PKIB: variants seen among roughly 807,000 people sequenced by gnomAD.
PKIB encodes the protein cAMP-dependent protein kinase inhibitor beta, also known as PKI-beta.
A neutral mutation model predicts 4.5 loss-of-function variants in PKIB; 2 were observed. The ratio of observed to expected loss-of-function variants is 0.44; its 90% CI spans 0.18 to 1.39. The LOEUF is 1.39. PKIB is among the 40% of genes most tolerant of loss of function. PKIB has a pLI of 0.27. For missense variants in PKIB, 94 were observed against 92.6 expected, an observed-to-expected ratio of 1.02 and a Z score of -0.06; for synonymous variants, 38 against 36.0, an observed-to-expected ratio of 1.06 and a Z score of -0.20.
At chr6:122,702,713 G>A (rs993087886) in intron 3 of PKIB, among the ~76,000 whole-genome samples, 1 of 151,920 alleles carries the variant, frequency 6.6e-6, no homozygotes, top group Non-Finnish European at 1.5e-5. Context: ...CGACAAAAAC[G>A]GTAAACAATG....
intron 2 of PKIB, among the ~76,000 whole-genome samples, chr6:122,647,507 C>T (rs1024320210): frequency 6.6e-6 from 1 of 152,160 alleles, no homozygotes; most frequent in African/African-American, 2.4e-5. Flanking sequence ...AGTCATTCTT[C>T]CACCTAATGC....
At chr6:122,616,757 G>A (rs1775009227) in intron 1 of PKIB, among the ~76,000 whole-genome samples, 1 of 151,896 alleles carries the variant, frequency 6.6e-6, no homozygotes, top group African/African-American at 2.4e-5. Context: ...TAAGAGAAAG[G>A]AAACTACTGT....
intron 2 of PKIB, among the ~76,000 whole-genome samples, chr6:122,484,807 C>A (rs905210859): frequency 6.6e-6 from 1 of 152,176 alleles, no homozygotes; most frequent in Admixed American, 6.5e-5. Flanking sequence ...CTGAGAAGGA[C>A]TCCGTACTTC....
intron 3 of PKIB, among the ~76,000 whole-genome samples, chr6:122,586,589 C>T (rs1244521539): frequency 6.6e-6 from 1 of 152,134 alleles, no homozygotes; most frequent in Non-Finnish European, 1.5e-5. Flanking sequence ...ATATTTTTCT[C>T]TTCAGTCTTT....
intron 2 of PKIB, among the ~76,000 whole-genome samples, chr6:122,503,985 GT>G (rs1274955924): frequency 6.6e-6 from 1 of 152,064 alleles, no homozygotes; most frequent in Non-Finnish European, 1.5e-5. Flanking sequence ...CTTCATGAAA[GT>G]TTCCCCAAGG....
intron 3 of PKIB, among the ~76,000 whole-genome samples, chr6:122,693,626 C>G (rs1778438208): frequency 6.6e-6 from 1 of 152,224 alleles, no homozygotes; most frequent in Admixed American, 6.5e-5. Context: ...ATAACATACA[C>G]TTTCTCTCCC....
At chr6:122,606,968 A>G (rs1436166863), upstream of PKIB, among the ~76,000 whole-genome samples, 5 of 152,146 alleles carry the variant, frequency 3.3e-5, no homozygotes, top group Non-Finnish European at 5.9e-5. Context: ...CTAGAAGGTA[A>G]ATACTGATTC....
intron 1 of PKIB, among the ~76,000 whole-genome samples, chr6:122,631,771 G>A (rs938800502): frequency 6.6e-6 from 1 of 152,184 alleles, no homozygotes; most frequent in African/African-American, 2.4e-5. Flanking sequence ...CCTATATGTT[G>A]CAATGCCCTT....
intron 1 of PKIB, among the ~76,000 whole-genome samples, chr6:122,613,959 C>CAAAAAAAAAAAAAAAA (rs67112737): frequency 1.3e-5 from 1 of 77,402 alleles, no homozygotes; most frequent in Non-Finnish European, 2.3e-5. Flanking sequence ...GAGACTCCAT[C>CAAAAAAAAAAAAAAAA]AAAAAAAAAA....
intron 2 of PKIB, among the ~76,000 whole-genome samples, chr6:122,544,793 A>G (rs1464510186): frequency 1.3e-5 from 2 of 152,126 alleles, no homozygotes; most frequent in South Asian, 4.1e-4. Flanking sequence ...AAAGAAATCA[A>G]TAACCAAAAA....
intron 2 of PKIB, among the ~76,000 whole-genome samples, chr6:122,568,920 G>C (rs1243141353): frequency 6.6e-6 from 1 of 152,176 alleles, no homozygotes; most frequent in African/African-American, 2.4e-5. Flanking sequence ...TCTTAACCCA[G>C]TGCTGTTAGT....
At chr6:122,544,483 G>A (rs1293541943) in intron 2 of PKIB, among the ~76,000 whole-genome samples, 2 of 152,002 alleles carry the variant, frequency 1.3e-5, no homozygotes, top group African/African-American at 4.8e-5. Context: ...GCCAGTGTCT[G>A]AAGTACCCAC....
intron 2 of PKIB, among the ~76,000 whole-genome samples, chr6:122,584,609 A>C (rs1378384205): frequency 6.6e-6 from 1 of 152,158 alleles, no homozygotes; most frequent in Non-Finnish European, 1.5e-5. Flanking sequence ...TGTAGACTTA[A>C]ATACAGTTTT....
At chr6:122,543,325 C>G (rs529829973) in intron 2 of PKIB, among the ~76,000 whole-genome samples, 7 of 151,406 alleles carry the variant, frequency 4.6e-5, no homozygotes, top group Non-Finnish European at 8.8e-5. Context: ...AGGAGCTGTT[C>G]CTATTCGGCC....
At chr6:122,609,874 A>G (rs753307767), upstream of PKIB, among the ~76,000 whole-genome samples, 1 of 152,204 alleles carries the variant, frequency 6.6e-6, no homozygotes, top group African/African-American at 2.4e-5. Context: ...ATCTGTTAAA[A>G]TAATCTGTTA....
chr6:122,578,168 A>C (rs1193630677), intron 2 of PKIB, among the ~76,000 whole-genome samples: 2 of 152,124 alleles, frequency 1.3e-5, no homozygotes, highest in African/African-American at 2.4e-5. Context: ...TTCTACTTTA[A>C]ATGTGAGTAA....
chr6:122,485,643 C>T (rs1197482413), intron 2 of PKIB, among the ~76,000 whole-genome samples: 1 of 150,290 alleles, frequency 6.7e-6, no homozygotes, highest in Non-Finnish European at 1.5e-5. Flanking sequence ...TAACACATTT[C>T]CAATTCAAAA....
intron 2 of PKIB, among the ~76,000 whole-genome samples, chr6:122,512,167 A>G (rs1024894014): frequency 3.3e-5 from 5 of 152,230 alleles, no homozygotes; most frequent in African/African-American, 1.2e-4. Context: ...TTTTAATTCA[A>G]GTAATATAAA....
intron 2 of PKIB, among the ~76,000 whole-genome samples, chr6:122,522,222 C>T (rs1776967339): frequency 6.6e-6 from 1 of 152,016 alleles, no homozygotes; most frequent in Admixed American, 6.6e-5. Flanking sequence ...AGAATGTATT[C>T]TAATATCAAA....
Sources: allele counts gnomAD v4.1 joint callset (sites outside exome capture counted in the v4.1 genomes callset), GRCh38; gene constraint gnomAD v4.1.1; transcripts MANE v1.5; gene names NCBI Gene and HGNC (gene_info 2026-07-23, HGNC 2026-07-21).